The following PLAUR variants were observed in gnomAD, a reference collection of about 807,000 sequenced individuals.
PLAUR encodes the protein urokinase plasminogen activator surface receptor.
PLAUR carries 22 observed loss-of-function variants against 33.4 expected under a neutral mutation model. The ratio of observed to expected loss-of-function variants is 0.66; its 90% CI spans 0.47 to 0.94. The LOEUF (loss-of-function observed/expected upper bound fraction) is 0.94. Ranked by LOEUF, PLAUR falls within the 40% of genes least tolerant of loss-of-function variation. The pLI is 0.00. For synonymous variants in PLAUR, 148 were observed against 167.3 expected, an observed-to-expected ratio of 0.88 and a Z score of 0.89; for missense variants, 408 against 434.7, an observed-to-expected ratio of 0.94 and a Z score of 0.55.
chr19:43,654,842 A>G (rs1019186353), intron 5 of PLAUR, among the ~76,000 whole-genome samples: 1 of 152,150 alleles, frequency 6.6e-6, no homozygotes, highest in African/African-American at 2.4e-5. Flanking sequence ...AACCTGGGCA[A>G]GAAGTCAGCG....
chr19:43,663,826 CAAAA>C (rs111463069), intron 3 of PLAUR, among the ~76,000 whole-genome samples: 1 of 132,676 alleles, frequency 7.5e-6, no homozygotes, highest in East Asian at 2.2e-4. Flanking sequence ...CAAAAGGAAA[CAAAA>C]AAAAAAAGAA....
chr19:43,648,583 C>T lies in PLAUR; in HGVS notation c.*307G>A. On this transcript the variant is annotated 3_prime_UTR_variant, in exon 7 of 7. Transcript: ENST00000340093. The stretch of plus-strand genomic sequence containing the variant: ...AGAAGGGCATACCTGGCCTTGTCCA[C>T]TGGTACAAAATCTTTATGTAAGTAT... 2.0e-6 allele frequency: 2 copies of T among 1,013,468 alleles called. No individual in the cohort carries two copies. The highest frequency in any genetic ancestry group is 2.4e-6 in the Non-Finnish European group (2 of 839,200). 62.8% of individuals were successfully genotyped at this position (1,013,468 alleles called of 1,614,324 possible).
At chr19:43,651,769 A>T (rs1395266506) in intron 6 of PLAUR, 1 of 987,174 alleles carries the variant, frequency 1.0e-6, no homozygotes, top group Admixed American at 5.9e-5. Context: ...AGAAGTTGAG[A>T]CCAAAAAGTT....
rs373838084 is a variant in PLAUR, at chr19:43,670,030, T to C, written c.55+36A>G. On this transcript the variant is annotated intron_variant, in intron 1 of 6. Coordinates refer to ENST00000340093, the MANE Select transcript of PLAUR (RefSeq NM_002659.4). ...ACCCCCAACCCCCTCAATTAGACCC[T>C]GTTCCAGGCGCAGGCGTTCGGGACC... The C allele has an allele frequency of 2.2e-5, 36 of 1,608,130 alleles. No individual in the cohort carries two copies. The African/African-American group carries it at 4.4e-4, about 20-fold the overall frequency.
chr19:43,670,049 C>T lies in PLAUR; in HGVS notation c.55+17G>A. ...AGACCCTGTTCCAGGCGCAGGCGTTCGGGACCCAGCCCCTACCTGGGACGC... is the reference window on the plus strand; with the variant it reads ...AGACCCTGTTCCAGGCGCAGGCGTTTGGGACCCAGCCCCTACCTGGGACGC... On this transcript the variant is annotated intron_variant, in intron 1 of 6. Coordinates refer to ENST00000340093, the MANE Select transcript of PLAUR (RefSeq NM_002659.4). 1 of 1,612,340 alleles carries T rather than the reference C, an allele frequency of 6.2e-7. No individual in the cohort carries two copies. Among genetic ancestry groups the T allele is most frequent in the Non-Finnish European group, 8.5e-7 (1 of 1,179,034 alleles).
downstream of PLAUR, among the ~76,000 whole-genome samples, chr19:43,647,813 G>A (rs1335031221): frequency 2.0e-5 from 3 of 150,404 alleles, no homozygotes; most frequent in Non-Finnish European, 4.4e-5. Flanking sequence ...CTCAAAAAAA[G>A]AAAAGAAAAG....
intron 5 of PLAUR, among the ~76,000 whole-genome samples, chr19:43,655,199 C>A (rs1402521888): frequency 6.8e-6 from 1 of 146,090 alleles, no homozygotes; most frequent in Non-Finnish European, 1.5e-5. Flanking sequence ...ATCGCTTGAA[C>A]TCGTGAGGCG....
rs146849319 is a variant in PLAUR, at chr19:43,648,665, T to G, written c.*225A>C. 1,996 of 763,916 alleles carry G rather than the reference T, an allele frequency of 2.6e-3. 77 individuals carry two copies. In the Admixed American group the frequency reaches 0.053, roughly 20 times the overall value. The allele number at this position is 763,916 out of a possible 1,614,324, so 47.3% of individuals were successfully genotyped here. On this transcript the variant is annotated 3_prime_UTR_variant, in exon 7 of 7. Coordinates refer to ENST00000340093, the MANE Select transcript of PLAUR (RefSeq NM_002659.4). The stretch of plus-strand genomic sequence containing the variant: ...AACAACACAACAGCGGCAACAATAT[T>G]AATAATAACAAGAGCTCTCCCATTG...
chr19:43,663,633 T>G (rs1276530402), intron 3 of PLAUR, among the ~76,000 whole-genome samples: 6 of 151,372 alleles, frequency 4.0e-5, no homozygotes, highest in Non-Finnish European at 8.8e-5. Flanking sequence ...AATACAAAAT[T>G]AGCTGGGCGT....
chr19:43,666,497 C>CTCCCTCCCTGCCTCTCTCCG (rs1236506150), intron 2 of PLAUR, among the ~76,000 whole-genome samples: 1 of 150,746 alleles, frequency 6.6e-6, no homozygotes, highest in East Asian at 1.9e-4. Context: ...TCCTCCCTCC[C>CTCCCTCCCTGCCTCTCTCCG]TCCCTCCCTG....
At chr19:43,666,395 CCA>C (rs1485287168) in intron 2 of PLAUR, among the ~76,000 whole-genome samples, 1 of 152,128 alleles carries the variant, frequency 6.6e-6, no homozygotes, top group Non-Finnish European at 1.5e-5. Flanking sequence ...GTAATTATTA[CCA>C]CAGTGTTTCT....
chr19:43,654,968 C>T (rs1407868365), intron 5 of PLAUR, among the ~76,000 whole-genome samples: 2 of 151,962 alleles, frequency 1.3e-5, no homozygotes, highest in African/African-American at 4.8e-5. Context: ...TGAATCCTTA[C>T]GAAGTTCTTC....
chr19:43,670,144 CG>C lies in PLAUR; in HGVS notation c.-25del, dbSNP rs1358948520. ...ATGTCGCGAGGGCAGCTCCTGTGCG[CG>C]GGGTCCCTGCACGTCTTCTCTCCTT... On this transcript the variant is annotated 5_prime_UTR_variant, in exon 1 of 7. Transcript: ENST00000340093. 1.2e-6 allele frequency: 2 copies of C among 1,606,722 alleles called. No homozygotes were observed. The highest frequency in any genetic ancestry group is 2.2e-5 in the South Asian group (2 of 90,894).
intron 5 of PLAUR, among the ~76,000 whole-genome samples, chr19:43,655,225 G>A (rs4251886): frequency 0.065 from 9,581 of 147,834 alleles, 367 homozygotes; most frequent in Middle Eastern, 0.19. Context: ...TACAGTGAGC[G>A]GAGATCACGC....
chr19:43,669,918 GC>G, intron 1 of PLAUR, 147 bp downstream of exon 1: 1 of 728,650 alleles, frequency 1.4e-6, no homozygotes. Context: ...GCGCCGCGTG[GC>G]GTTGCACAAA....
intron 3 of PLAUR, among the ~76,000 whole-genome samples, chr19:43,658,753 T>G (rs528738872): frequency 6.6e-6 from 1 of 152,300 alleles, no homozygotes; most frequent in African/African-American, 2.4e-5. Flanking sequence ...GGTTCTCAAC[T>G]GGCAGGCCGC....
chr19:43,667,701 G>C lies in PLAUR; in HGVS notation c.56-10C>G. The C allele has an allele frequency of 3.7e-6, 6 of 1,613,152 alleles. No individual in the cohort carries two copies. The highest frequency in any genetic ancestry group is 5.1e-6 in the Non-Finnish European group (6 of 1,179,612). On this transcript the variant is annotated splice_polypyrimidine_tract_variant and intron_variant, in intron 1 of 6. Transcript: ENST00000340093. ...CGCAGGCCCCAAGAGGCTGGGGGAA[G>C]GAGGGAGAGGAGAGGAGAGGTTAAC...
intron 1 of PLAUR, chr19:43,668,088 A>G (rs2146292741): frequency 9.7e-7 from 1 of 1,030,920 alleles, no homozygotes; most frequent in East Asian, 9.4e-5. Context: ...TCTGCTGGGG[A>G]CGTTCTAGCC....
chr19:43,657,458 C>T (rs186796773), intron 3 of PLAUR, among the ~76,000 whole-genome samples: 93 of 152,312 alleles, frequency 6.1e-4, no homozygotes, highest in African/African-American at 2.0e-3. Context: ...CAGTCTGCGA[C>T]GACACATGTT....
Sources: allele counts gnomAD v4.1 joint callset (sites outside exome capture counted in the v4.1 genomes callset), GRCh38; gene constraint gnomAD v4.1.1; transcripts MANE v1.5; gene names NCBI Gene and HGNC (gene_info 2026-07-23, HGNC 2026-07-21).